The following FOXA1 variants were observed in gnomAD, a reference collection of about 807,000 sequenced individuals.
FOXA1 encodes the protein hepatocyte nuclear factor 3-alpha.
A neutral mutation model predicts 29.2 loss-of-function variants in FOXA1; 9 were observed. The observed-to-expected ratio is 0.31, with a 90% CI of 0.19 to 0.54. FOXA1 has a LOEUF of 0.54. Ranked by LOEUF, FOXA1 falls within the 20% of genes least tolerant of loss-of-function variation. FOXA1 has a pLI of 0.95. For synonymous variants in FOXA1, 340 were observed against 300.9 expected (o/e 1.13, Z -1.34); for missense variants, 644 against 681.2 (o/e 0.95, Z 0.61).
chr14:37,591,275 C>A lies in FOXA1; in HGVS notation c.*90G>T. On this transcript the variant is annotated 3_prime_UTR_variant, in exon 2 of 2. Transcript: ENST00000250448. ...TGTTGGGATTTTATTATGCTGTTGA[C>A]GGTTTGGTTTGTGTGGTTTTGTTTG... 1.4e-6 allele frequency: 2 copies of A among 1,470,170 alleles called. No individual in the cohort carries two copies. Among genetic ancestry groups the A allele is most frequent in the Non-Finnish European group, 1.9e-6 (2 of 1,064,334 alleles). The allele number at this position is 1,470,170 out of a possible 1,614,324, so 91.1% of individuals were successfully genotyped here.
In FOXA1 at chr14:37,590,030, A is replaced by G. The variant is rs1016458262; in HGVS notation, c.*1335T>C. Reference sequence around the variant, plus strand: ...TTAAAGTCCTTAACTGCAAATGATCAAGAACATTTTCCACGGCTTAAAATC... The same window carrying G: ...TTAAAGTCCTTAACTGCAAATGATCGAGAACATTTTCCACGGCTTAAAATC... On this transcript the variant is annotated 3_prime_UTR_variant, in exon 2 of 2. Transcript: ENST00000250448. The G allele has an allele frequency of 8.6e-6, 2 of 232,232 alleles. No homozygotes were observed. The highest frequency in any genetic ancestry group is 1.1e-4 in the Admixed American group (2 of 17,778). 14.4% of individuals were successfully genotyped at this position (232,232 alleles called of 1,614,324 possible).
chr14:37,593,423 C>T (rs892403469), intron 1 of FOXA1, among the ~76,000 whole-genome samples: 1 of 152,076 alleles, frequency 6.6e-6, no homozygotes, highest in East Asian at 1.9e-4. Context: ...TAGAAACTCG[C>T]ATTAATTTTG....
intron 1 of FOXA1, 103 bp downstream of exon 1, chr14:37,594,798 C>T (rs2095600456): frequency 6.6e-6 from 6 of 909,966 alleles, no homozygotes; most frequent in Non-Finnish European, 8.6e-6. Flanking sequence ...AAGGCGCCCC[C>T]GGCCCGCCTG....
intron 1 of FOXA1, chr14:37,594,131 C>A (rs1411771766): frequency 7.8e-7 from 1 of 1,288,008 alleles, no homozygotes; most frequent in Non-Finnish European, 1.0e-6. Context: ...AGTTCCAATA[C>A]GCGTTTTCAA....
Position 37,592,232 on chromosome 14 carries a change from C to A in FOXA1, c.552G>T (p.Gln184His), listed in dbSNP as rs1413644438. ...GCGTGAGCATCTTGCTGGGCGCCTGCTGGATGGCCATGGTGATGAGCGAGA... is the reference window on the plus strand; with the variant it reads ...GCGTGAGCATCTTGCTGGGCGCCTGATGGATGGCCATGGTGATGAGCGAGA... ...SYISLITMAI[Q>H]QAPSKMLTLS... The change falls in exon 2 of 2, where the codon CAG (glutamine) becomes CAT (histidine). Residue 184 changes from glutamine (Q) to histidine (H), a missense_variant. Physicochemically the swap from Gln to His is conservative, Grantham distance 24 (BLOSUM62 0). This residue lies in a region of FOXA1 where 309 missense variants were observed against 307.0 expected (regional missense o/e 1.01). Transcript: ENST00000250448. 1 of 1,613,914 alleles carries A rather than the reference C, an allele frequency of 6.2e-7. No homozygotes were observed. Among genetic ancestry groups the A allele is most frequent in the East Asian group, 2.2e-5 (1 of 44,820 alleles).
At position 37,591,866 on chromosome 14, in the gene FOXA1, G is replaced by A. The variant is rs2095595988; in HGVS notation, c.918C>T (p.Asp306=). The A allele has an allele frequency of 3.4e-6, 5 of 1,451,136 alleles. No homozygotes were observed. Among genetic ancestry groups the A allele is most frequent in the Admixed American group, 2.8e-5 (1 of 35,294 alleles). The allele number at this position is 1,451,136 out of a possible 1,614,324, so 89.9% of individuals were successfully genotyped here. A position where few individuals can be genotyped will look rare whatever the true frequency, so the allele number is the denominator to read the frequency against. ...DPSGASNPSA[D]SPLHRGVHGK... is the part of the protein sequence containing the mutation. The stretch of plus-strand genomic sequence containing the variant: ...CGTGCACACCCCGATGGAGGGGCGA[G>A]TCGGCGCTGGGGTTAGAGGCGCCAG... The change falls in exon 2 of 2, where the codon GAC becomes GAT. Residue 306 remains aspartate, a synonymous_variant. Transcript: ENST00000250448.
chr14:37,589,675 T>C lies in FOXA1; in HGVS notation c.*1690A>G, dbSNP rs537567765. ...GTAGTTAAATTAATATTTGATTTTGTAGTGAAAAGGCTCAAAGGAAACACA... is the reference window on the plus strand; with the variant it reads ...GTAGTTAAATTAATATTTGATTTTGCAGTGAAAAGGCTCAAAGGAAACACA... On this transcript the variant is annotated 3_prime_UTR_variant, in exon 2 of 2. Coordinates refer to ENST00000250448, the MANE Select transcript of FOXA1 (RefSeq NM_004496.5). 9.4e-5 allele frequency among the ~76,000 whole-genome samples: 14 copies of C among 148,184 alleles called. No homozygotes were observed. The South Asian group carries it at 2.8e-3, about 29-fold the overall frequency.
chr14:37,593,423 C>G (rs892403469), intron 1 of FOXA1, among the ~76,000 whole-genome samples: 6 of 152,190 alleles, frequency 3.9e-5, no homozygotes, highest in Non-Finnish European at 7.4e-5. Context: ...TAGAAACTCG[C>G]ATTAATTTTG....
At chr14:37,592,831 C>G in intron 1 of FOXA1, 120 bp from the exon 2 acceptor site, 3 of 1,240,412 alleles carry the variant, frequency 2.4e-6, no homozygotes, top group Non-Finnish European at 3.5e-6. Context: ...GAACACGGGA[C>G]GCCCCCACCC....
chr14:37,593,702 C>T lies in FOXA1; in HGVS notation c.73-991G>A, dbSNP rs79596721. ...TTGAATGGTGGGGTCGAGATGACTG[C>T]GTCAGAATTAAATCTCTGGAAGACC... is the stretch of plus-strand genomic sequence containing the variant. On this transcript the variant is annotated intron_variant, in intron 1 of 1. Transcript: ENST00000250448. 1.1e-4 allele frequency among the ~76,000 whole-genome samples: 17 copies of T among 152,232 alleles called. No homozygotes were observed. The East Asian group carries it at 3.3e-3, about 29-fold the overall frequency.
rs1301834713 is a variant in FOXA1 at position 37,592,515 on chromosome 14, G to A, written c.269C>T (p.Ala90Val). The change falls in exon 2 of 2, where the codon GCG (alanine) becomes GTG (valine). Residue 90 changes from alanine (A) to valine (V), a missense_variant. Transcript: ENST00000250448. ...GAVAGMPGGS[A>V]GAMNSMTAAG... Reference sequence around the variant, plus strand: ...CGCAGTCATGCTGTTCATGGCGCCCGCCGAGCCCCCCGGCATGCCGGCTAC... The same window carrying A: ...CGCAGTCATGCTGTTCATGGCGCCCACCGAGCCCCCCGGCATGCCGGCTAC... The A allele has an allele frequency of 3.7e-6, 6 of 1,612,584 alleles. No homozygotes were observed. The highest frequency in any genetic ancestry group is 5.1e-6 in the Non-Finnish European group (6 of 1,179,600).
At position 37,591,834 on chromosome 14, in the gene FOXA1, G is replaced by C. The variant is rs2139180944; in HGVS notation, c.950C>G (p.Thr317Ser). The C allele has an allele frequency of 1.4e-6, 2 of 1,455,512 alleles. No individual in the cohort carries two copies. Among genetic ancestry groups the C allele is most frequent in the Non-Finnish European group, 1.8e-6 (2 of 1,108,992 alleles). The allele number at this position is 1,455,512 out of a possible 1,614,324, so 90.2% of individuals were successfully genotyped here. ...GGCCGGCGCGCCCTCTAGCTGGCCG[G>C]TCTTCCCGTGCACACCCCGATGGAG... ...SPLHRGVHGK[T>S]GQLEGAPAPG... Residue 317 changes from threonine to serine, a missense_variant, in exon 2 of 2, where the codon ACC becomes AGC. Thr to Ser is a moderately conservative substitution (Grantham distance 58). This residue lies in a region of FOXA1 where 295 missense variants were observed against 294.4 expected (regional missense o/e 1.00). Coordinates refer to ENST00000250448, the MANE Select transcript of FOXA1 (RefSeq NM_004496.5).
Position 37,595,230 on chromosome 14 carries a change from G to A in FOXA1, c.-258C>T, listed in dbSNP as rs1004333665. Reference sequence around the variant, plus strand: ...GCGGCGCCGGGGAGCGCCTCCGCGGGAAGTGAGCGGGCTGCCTCTGCGAGG... The same window carrying A: ...GCGGCGCCGGGGAGCGCCTCCGCGGAAAGTGAGCGGGCTGCCTCTGCGAGG... On this transcript the variant is annotated 5_prime_UTR_variant, in exon 1 of 2. Coordinates refer to ENST00000250448, the MANE Select transcript of FOXA1 (RefSeq NM_004496.5). 5 of 288,196 alleles carry A rather than the reference G, an allele frequency of 1.7e-5. No individual in the cohort carries two copies. The highest frequency in any genetic ancestry group is 2.6e-5 in the Non-Finnish European group (4 of 155,760). The allele number at this position is 288,196 out of a possible 1,614,324, so 17.9% of individuals were successfully genotyped here.
Position 37,591,561 on chromosome 14 carries a change from G to C in FOXA1, c.1223C>G (p.Ser408Cys). 6.2e-7 allele frequency: 1 copy of C among 1,614,222 alleles called. No homozygotes were observed. The highest frequency in any genetic ancestry group is 8.5e-7 in the Non-Finnish European group (1 of 1,180,046). Residue 408 changes from serine to cysteine, a missense_variant, in exon 2 of 2, where the codon TCC (serine) becomes TGC (cysteine). This residue lies in a region of FOXA1 where 295 missense variants were observed against 294.4 expected (regional missense o/e 1.00). Transcript: ENST00000250448. ...HPFSINNLMS[S>C]SEQQHKLDFK... ...GTCCAGCTTATGCTGCTGCTCCGAG[G>C]AGGACATGAGGTTGTTGATGGAGAA... is the stretch of plus-strand genomic sequence containing the variant.
In FOXA1 at chr14:37,591,071, G is replaced by T; in HGVS notation, c.*294C>A. ...GGGGAAAGAGGGAAGAAAGAGAGGG[G>T]GGCAAGGAAGGAGGAGAATTTCATA... is the stretch of plus-strand genomic sequence containing the variant. On this transcript the variant is annotated 3_prime_UTR_variant, in exon 2 of 2. Coordinates refer to ENST00000250448, the MANE Select transcript of FOXA1 (RefSeq NM_004496.5). The T allele has an allele frequency of 4.2e-6, 2 of 480,388 alleles. No homozygotes were observed. The highest frequency in any genetic ancestry group is 7.6e-6 in the Non-Finnish European group (2 of 263,360). 29.8% of individuals were successfully genotyped at this position (480,388 alleles called of 1,614,324 possible).
Position 37,591,271 on chromosome 14 carries a change from T to A in FOXA1, c.*94A>T. ...TAGTTGTTGGGATTTTATTATGCTG[T>A]TGACGGTTTGGTTTGTGTGGTTTTG... On this transcript the variant is annotated 3_prime_UTR_variant, in exon 2 of 2. Transcript: ENST00000250448. 1 of 1,454,888 alleles carries A rather than the reference T, an allele frequency of 6.9e-7. No homozygotes were observed. Among genetic ancestry groups the A allele is most frequent in the Non-Finnish European group, 9.5e-7 (1 of 1,051,434 alleles). 90.1% of individuals were successfully genotyped at this position (1,454,888 alleles called of 1,614,324 possible).
At chr14:37,592,831 C>T in intron 1 of FOXA1, 120 bp from the exon 2 acceptor site, 1 of 1,240,410 alleles carries the variant, frequency 8.1e-7, no homozygotes. Context: ...GAACACGGGA[C>T]GCCCCCACCC....
At chr14:37,594,809 C>A in intron 1 of FOXA1, 92 bp downstream of exon 1, 2 of 1,092,730 alleles carry the variant, frequency 1.8e-6, no homozygotes, top group Non-Finnish European at 2.4e-6. Flanking sequence ...GGCCCGCCTG[C>A]CTGCCTTGCC....
intron 1 of FOXA1, 97 bp downstream of exon 1, chr14:37,594,804 G>C (rs762083): frequency 0.65 from 594,267 of 911,212 alleles, 189,552 homozygotes; most frequent in East Asian, 0.89. Flanking sequence ...CCCCCGGCCC[G>C]CCTGCCTGCC....
Sources: gnomAD v4.1 joint callset for allele counts (sites outside exome capture counted in the v4.1 genomes callset) on GRCh38, gnomAD v4.1.1 for gene constraint, gnomAD v4.1.1 regional missense constraint, MANE v1.5 for transcripts, NCBI Gene and HGNC (gene_info 2026-07-23, HGNC 2026-07-21) for gene names.